Variants in HAUS8 observed in about 807,000 individuals in gnomAD.
HAUS8 encodes HAUS augmin like complex subunit 8.
Under a neutral mutation model 42.9 loss-of-function variants are expected in HAUS8, and 38 were observed. The ratio of observed to expected loss-of-function variants is 0.89; its 90% CI spans 0.68 to 1.16. The LOEUF is 1.16. Ranked by LOEUF, HAUS8 falls within the 50% of genes most tolerant of loss-of-function variation. The pLI is 0.00. For missense variants in HAUS8, 494 were observed against 511.6 expected, an observed-to-expected ratio of 0.97 and a Z score of 0.33; for synonymous variants, 199 against 205.8, an observed-to-expected ratio of 0.97 and a Z score of 0.28.
chr19:17,060,801 A>T (rs952498512), intron 4 of HAUS8, among the ~76,000 whole-genome samples: 1 of 152,224 alleles, frequency 6.6e-6, no homozygotes, highest in Non-Finnish European at 1.5e-5. Flanking sequence ...AAACTGTAAA[A>T]TTAAGCCTTA....
At chr19:17,072,707 G>A (rs1470055965) in intron 2 of HAUS8, among the ~76,000 whole-genome samples, 1 of 151,782 alleles carries the variant, frequency 6.6e-6, no homozygotes, top group Non-Finnish European at 1.5e-5. Context: ...GGAGTGCAGT[G>A]GTGCGATCTT....
At position 17,052,903 on chromosome 19, in the gene HAUS8, GA is replaced by G. The variant is rs749683694; in HGVS notation, c.850del (p.Ser284ArgfsTer11). The G allele has an allele frequency of 6.2e-7, 1 of 1,614,138 alleles. No homozygotes were observed. ...GTCCAGCACCTGCACATTTTCTTCC[GA>G]ATCACCAACATCAAGTTCTCCCAGG... is the stretch of plus-strand genomic sequence containing the variant. ...RLLGELDVGD[S>X]EENVQVLDLL... On this transcript the variant is annotated frameshift_variant, in exon 10 of 11. Coordinates refer to ENST00000253669, the MANE Select transcript of HAUS8 (RefSeq NM_033417.2). LOFTEE classifies it high-confidence loss of function.
chr19:17,070,898 C>T (rs566077653), intron 2 of HAUS8, among the ~76,000 whole-genome samples: 8 of 152,214 alleles, frequency 5.3e-5, no homozygotes, highest in South Asian at 2.1e-4. Flanking sequence ...GGAGAAACCC[C>T]GTCTCTACTA....
chr19:17,068,848 G>C (rs549529724), intron 3 of HAUS8, among the ~76,000 whole-genome samples, 183 bp downstream of exon 3: 2 of 152,128 alleles, frequency 1.3e-5, no homozygotes, highest in Non-Finnish European at 2.9e-5. Context: ...GCCATGAGCC[G>C]TCGATGACAG....
intron 9 of HAUS8, among the ~76,000 whole-genome samples, chr19:17,055,436 C>A (rs940821033): frequency 2.7e-5 from 4 of 150,138 alleles, no homozygotes; most frequent in African/African-American, 9.9e-5. Flanking sequence ...TAAGGTGCAA[C>A]GCGGCAGTTT....
chr19:17,065,531 C>T (rs1371378617), intron 3 of HAUS8, among the ~76,000 whole-genome samples: 1 of 152,078 alleles, frequency 6.6e-6, no homozygotes, highest in Non-Finnish European at 1.5e-5. Flanking sequence ...CATGAAGACT[C>T]TATAAAAACC....
At chr19:17,065,252 G>A (rs1011277288) in intron 3 of HAUS8, among the ~76,000 whole-genome samples, 2 of 152,130 alleles carry the variant, frequency 1.3e-5, no homozygotes, top group African/African-American at 4.8e-5. Flanking sequence ...TGGATAACAG[G>A]TAGTTTCCTG....
chr19:17,051,389 T>TA (rs35541040), intron 10 of HAUS8, among the ~76,000 whole-genome samples: 1 of 148,692 alleles, frequency 6.7e-6, no homozygotes, highest in Non-Finnish European at 1.5e-5. Context: ...TGGGGGAGGT[T>TA]AAAAAAAAAA....
chr19:17,068,715 C>G (rs550929278), intron 3 of HAUS8, among the ~76,000 whole-genome samples: 1 of 151,960 alleles, frequency 6.6e-6, no homozygotes, highest in East Asian at 1.9e-4. Flanking sequence ...TGCAGTGAGT[C>G]GTGATCACAC....
intron 3 of HAUS8, among the ~76,000 whole-genome samples, chr19:17,065,584 C>CT (rs1300698145): frequency 2.0e-5 from 3 of 152,050 alleles, no homozygotes; most frequent in African/African-American, 7.2e-5. Context: ...AATCCCAGCA[C>CT]TTTGAGAGGC....
At position 17,049,769 on chromosome 19, in the gene HAUS8, C is replaced by T; in HGVS notation, c.*104G>A. ...TCATAGAAAATGGAGGCTTCAATTGCAAAACAGGTTTACTTTTTTATCAAA... is the reference window on the plus strand; with the variant it reads ...TCATAGAAAATGGAGGCTTCAATTGTAAAACAGGTTTACTTTTTTATCAAA... On this transcript the variant is annotated 3_prime_UTR_variant, in exon 11 of 11. Transcript: ENST00000253669. 9.7e-7 allele frequency: 1 copy of T among 1,028,126 alleles called. No individual in the cohort carries two copies. Among genetic ancestry groups the T allele is most frequent in the Non-Finnish European group, 1.3e-6 (1 of 765,096 alleles). 63.7% of individuals were successfully genotyped at this position (1,028,126 alleles called of 1,614,324 possible). A position where few individuals can be genotyped will look rare whatever the true frequency, so the allele number is the denominator to read the frequency against.
chr19:17,070,812 G>A (rs1228619983), intron 2 of HAUS8, among the ~76,000 whole-genome samples: 1 of 152,374 alleles, frequency 6.6e-6, no homozygotes, highest in East Asian at 1.9e-4. Flanking sequence ...GCTCACGCCT[G>A]TAATCCCAGC....
intron 4 of HAUS8, among the ~76,000 whole-genome samples, chr19:17,060,694 C>A (rs1003079387): frequency 1.7e-4 from 26 of 152,222 alleles, no homozygotes; most frequent in African/African-American, 6.3e-4. Context: ...AGGCATGAGC[C>A]ACCGCACTCA....
At chr19:17,054,371 G>A (rs542966465) in intron 9 of HAUS8, among the ~76,000 whole-genome samples, 9 of 152,156 alleles carry the variant, frequency 5.9e-5, no homozygotes, top group East Asian at 1.9e-4. Context: ...TCAGAAACCC[G>A]GCCGGGCAGG....
At chr19:17,073,532 C>A in intron 1 of HAUS8, 197 bp from the exon 2 acceptor site, 1 of 608,518 alleles carries the variant, frequency 1.6e-6, no homozygotes, top group Non-Finnish European at 3.0e-6. Flanking sequence ...GGCAAGAAGG[C>A]ATAGGTGAAC....
Position 17,062,777 on chromosome 19 carries a change from A to G in HAUS8, c.150T>C (p.Ala50=), listed in dbSNP as rs1177911567. The G allele has an allele frequency of 3.7e-6, 6 of 1,612,736 alleles. No individual in the cohort carries two copies. The African/African-American group carries it at 8.0e-5, about 22-fold the overall frequency. ...LQYEKKTTQK[A]PAGDGSQTRG... is the part of the protein sequence containing the mutation. Reference sequence around the variant, plus strand: ...GGGTCTGTGACCCATCTCCTGCAGGAGCCTGTTATGGGAACACATGACACT... The same window carrying G: ...GGGTCTGTGACCCATCTCCTGCAGGGGCCTGTTATGGGAACACATGACACT... Residue 50 remains alanine, a splice_region_variant and synonymous_variant, in exon 4 of 11, where the codon GCT becomes GCC. Transcript: ENST00000253669.
rs369498433 is a variant in HAUS8, at chr19:17,062,751, C to T, written c.176G>A (p.Arg59Gln). The T allele has an allele frequency of 1.1e-5, 17 of 1,614,098 alleles. No individual in the cohort carries two copies. The highest frequency in any genetic ancestry group is 8.9e-5 in the East Asian group (4 of 44,880). ...KAPAGDGSQT[R>Q]GKMSEGGRKS... ...CCTTCCACCTTCAGACATCTTCCCTCGGGTCTGTGACCCATCTCCTGCAGG... is the reference window on the plus strand; with the variant it reads ...CCTTCCACCTTCAGACATCTTCCCTTGGGTCTGTGACCCATCTCCTGCAGG... The change falls in exon 4 of 11, where the codon CGA becomes CAA. Residue 59 changes from arginine (R) to glutamine (Q), a missense_variant. Transcript: ENST00000253669.
chr19:17,052,737 G>A lies in HAUS8; in HGVS notation c.929+88C>T, dbSNP rs118115370. 9.0e-6 allele frequency: 13 copies of A among 1,446,492 alleles called. No individual in the cohort carries two copies. In the East Asian group the frequency reaches 2.9e-4, roughly 33 times the overall value. The allele number at this position is 1,446,492 out of a possible 1,614,324, so 89.6% of individuals were successfully genotyped here. On this transcript the variant is annotated intron_variant, in intron 10 of 10. Transcript: ENST00000253669. ...ACTGAACCTCCTCTGAACTCCTAGA[G>A]GAACTCGGCACCACCCCAACAGTGC... is the stretch of plus-strand genomic sequence containing the variant.
In HAUS8 at chr19:17,071,486, C is replaced by T. The variant is rs148411600; in HGVS notation, c.91+1788G>A. Among the ~76,000 whole-genome samples, 1,232 of 152,210 alleles carry T rather than the reference C, an allele frequency of 8.1e-3. 13 individuals are homozygous for T. The highest frequency in any genetic ancestry group is 0.013 in the Non-Finnish European group (912 of 68,004). ...GGACCAGGTGGGGTCCCAGGGACAA[C>T]CAGGCCACAAAAAGAGTCTACCCTG... On this transcript the variant is annotated intron_variant, in intron 2 of 10. Coordinates refer to ENST00000253669, the MANE Select transcript of HAUS8 (RefSeq NM_033417.2).
Sources: allele counts gnomAD v4.1 joint callset (sites outside exome capture counted in the v4.1 genomes callset), GRCh38; gene constraint gnomAD v4.1.1; transcripts MANE v1.5; gene names NCBI Gene and HGNC (gene_info 2026-07-23, HGNC 2026-07-21).